The following ZNF737 variants were observed in gnomAD, a reference collection of about 807,000 sequenced individuals.
The protein encoded by ZNF737 is zinc finger protein 737.
In ZNF737, 13 loss-of-function variants were observed where a neutral mutation model predicts 11.7. The observed-to-expected ratio is 1.11, with a 90% CI of 0.73 to 1.77. The LOEUF (loss-of-function observed/expected upper bound fraction) is 1.77. ZNF737 is among the 40% of genes most tolerant of loss of function. ZNF737 has a pLI of 0.00. For missense variants in ZNF737, 636 were observed against 638.0 expected (o/e 1.00, Z 0.03); for synonymous variants, 217 against 216.2 (o/e 1.00, Z -0.03).
Position 20,545,894 on chromosome 19 carries a change from A to C in ZNF737, c.309T>G (p.Tyr103Ter). The change falls in exon 4 of 4, where the codon TAT becomes TAG. Residue 103 changes from tyrosine (Y) to a stop codon, truncating the protein, a stop_gained. Coordinates refer to ENST00000427401, the MANE Select transcript of ZNF737 (RefSeq NM_001159293.2). LOFTEE classifies it low-confidence loss of function (END_TRUNC). The stretch of plus-strand genomic sequence containing the variant: ...GTAAATTGTCATGTCCATAGTTTTC[A>C]TATCTTCTCAGTGTCACTTTTTGGA... ...DSFQKVTLRR[Y>*]ENYGHDNLQF... 3.1e-6 allele frequency: 5 copies of C among 1,609,744 alleles called. No individual in the cohort carries two copies. The South Asian group carries it at 4.5e-5, about 14-fold the overall frequency.
At chr19:20,535,660 G>C (rs566070216), downstream of ZNF737, among the ~76,000 whole-genome samples, 2 of 151,526 alleles carry the variant, frequency 1.3e-5, no homozygotes, top group African/African-American at 4.8e-5. Context: ...TCAGGACCTG[G>C]GATTACAGGC....
intron 2 of ZNF737, among the ~76,000 whole-genome samples, chr19:20,552,797 A>G (rs13346405): frequency 0.014 from 2,107 of 152,206 alleles, 59 homozygotes; most frequent in African/African-American, 0.049. Flanking sequence ...GTGAATCACG[A>G]GGTCATGAGT....
downstream of ZNF737, among the ~76,000 whole-genome samples, chr19:20,535,489 A>C (rs1274452225): frequency 2.6e-5 from 4 of 151,896 alleles, no homozygotes; most frequent in Admixed American, 6.6e-5. Flanking sequence ...ATATTATGTT[A>C]AGTAAAATAA....
At chr19:20,558,427 G>C (rs35836091) in intron 1 of ZNF737, among the ~76,000 whole-genome samples, 136 of 152,186 alleles carry the variant, frequency 8.9e-4, no homozygotes, top group Non-Finnish European at 1.8e-3. Flanking sequence ...CCAACCATAT[G>C]ATGCACAATT....
At chr19:20,530,285 G>A in the ZNF737 span, among the ~76,000 whole-genome samples, 3 of 135,718 alleles carry the variant, frequency 2.2e-5, no homozygotes, top group African/African-American at 8.3e-5. Context: ...CCTCCCTCCC[G>A]GATGGGGCAG....
intron 1 of ZNF737, among the ~76,000 whole-genome samples, chr19:20,560,170 C>T (rs1365116779): frequency 1.9e-5 from 1 of 53,378 alleles, no homozygotes; most frequent in Non-Finnish European, 3.7e-5. Context: ...GAGACTCCGT[C>T]TCAAAAAAAA....
At position 20,544,422 on chromosome 19, in the gene ZNF737, A is replaced by T; in HGVS notation, c.*170T>A. ...CTTAAAGGCTTTGCTGCATTTTCTT[A>T]TTTGTTGGGTTTCTTTCCCGCATGA... On this transcript the variant is annotated 3_prime_UTR_variant, in exon 4 of 4. Coordinates refer to ENST00000427401, the MANE Select transcript of ZNF737 (RefSeq NM_001159293.2). 6.9e-7 allele frequency: 1 copy of T among 1,446,752 alleles called. No homozygotes were observed. The highest frequency in any genetic ancestry group is 9.0e-7 in the Non-Finnish European group (1 of 1,106,540). The allele number at this position is 1,446,752 out of a possible 1,614,324, so 89.6% of individuals were successfully genotyped here.
At position 20,545,143 on chromosome 19, in the gene ZNF737, AG is replaced by A. The variant is rs1555756485; in HGVS notation, c.1059del (p.Ser354HisfsTer8). 1 of 1,611,316 alleles carries A rather than the reference AG, an allele frequency of 6.2e-7. No individual in the cohort carries two copies. Among genetic ancestry groups the A allele is most frequent in the African/African-American group, 1.3e-5 (1 of 74,776 alleles). ...CEECGRAFKY[F>X]SSLTTHKIIH... ...ATTATCTTGTGTGTAGTAAGGGATGAGAAGTACTTAAAGGCTCTGCCACATT... is the reference window on the plus strand; with the variant it reads ...ATTATCTTGTGTGTAGTAAGGGATGAAAGTACTTAAAGGCTCTGCCACATT... On this transcript the variant is annotated frameshift_variant, in exon 4 of 4. Transcript: ENST00000427401. LOFTEE classifies it low-confidence loss of function (END_TRUNC).
At position 20,539,331 on chromosome 19, in the gene ZNF737, C is replaced by T; in HGVS notation, c.*5261G>A. 5 of 985,108 alleles carry T rather than the reference C, an allele frequency of 5.1e-6. No homozygotes were observed. Among genetic ancestry groups the T allele is most frequent in the Non-Finnish European group, 6.0e-6 (5 of 829,806 alleles). 61.0% of individuals were successfully genotyped at this position (985,108 alleles called of 1,614,324 possible). On this transcript the variant is annotated 3_prime_UTR_variant, in exon 4 of 4. Coordinates refer to ENST00000427401, the MANE Select transcript of ZNF737 (RefSeq NM_001159293.2). ...ATTCTTTCTTCAATTACTTGGAAAC[C>T]CTGGGAAGCCCCTATAAAATACTCC...
Position 20,550,184 on chromosome 19 carries a change from A to C in ZNF737, c.226+2291T>G, listed in dbSNP as rs1454215036. Among the ~76,000 whole-genome samples the C allele has an allele frequency of 2.6e-5, 4 of 152,326 alleles. No homozygotes were observed. In the East Asian group the frequency reaches 7.7e-4, roughly 29 times the overall value. ...CTGCTGTAATCAAACATTGGAAGCA[A>C]AGAGTACCCTTACATTGTTAAATAA... On this transcript the variant is annotated intron_variant, in intron 3 of 3. Transcript: ENST00000427401.
At position 20,564,875 on chromosome 19, in the gene ZNF737, G is replaced by A. The variant is rs1265855767; in HGVS notation, c.3+763C>T. Among the ~76,000 whole-genome samples, 7 of 150,380 alleles carry A rather than the reference G, an allele frequency of 4.7e-5. 1 individual carries two copies. The highest frequency in any genetic ancestry group is 1.2e-4 in the African/African-American group (5 of 41,026). ...TTTTTGGGAAATTACTACATTAGGG[G>A]AAACAAAATTCAGGCTTAAGCAACT... On this transcript the variant is annotated intron_variant, in intron 1 of 3. Coordinates refer to ENST00000427401, the MANE Select transcript of ZNF737 (RefSeq NM_001159293.2).
Position 20,543,677 on chromosome 19 carries a change from T to A in ZNF737, c.*915A>T. The A allele has an allele frequency of 1.0e-6, 1 of 985,474 alleles. No homozygotes were observed. Among genetic ancestry groups the A allele is most frequent in the Non-Finnish European group, 1.2e-6 (1 of 829,920 alleles). The allele number at this position is 985,474 out of a possible 1,614,324, so 61.0% of individuals were successfully genotyped here. A position where few individuals can be genotyped will look rare whatever the true frequency, so the allele number is the denominator to read the frequency against. ...CCTACAATCAAGAGTGGCAACCATA[T>A]AAAGGCTTTGTCACATTTTATATAT... On this transcript the variant is annotated 3_prime_UTR_variant, in exon 4 of 4. Transcript: ENST00000427401.
At chr19:20,552,905 A>G (rs2562635) in intron 2 of ZNF737, among the ~76,000 whole-genome samples, 12,161 of 151,196 alleles carry the variant, frequency 0.08, 596 homozygotes, top group East Asian at 0.14. Context: ...CCAGATACTC[A>G]TGAGGCTGAG....
chr19:20,535,896 A>C (rs1555753746), downstream of ZNF737: 1 of 177,154 alleles, frequency 5.6e-6, no homozygotes, highest in African/African-American at 2.4e-5. Context: ...CAGATGGTAC[A>C]ATAATAAAAC....
chr19:20,537,791 A>C (rs562480761), downstream of ZNF737, among the ~76,000 whole-genome samples: 15 of 152,256 alleles, frequency 9.9e-5, no homozygotes, highest in South Asian at 3.1e-3. Context: ...CTGGGATTAC[A>C]GGCATGAGCC....
downstream of ZNF737, among the ~76,000 whole-genome samples, chr19:20,532,011 T>C (rs549629040): frequency 6.6e-6 from 1 of 150,442 alleles, no homozygotes; most frequent in Admixed American, 6.6e-5. Flanking sequence ...AACATAGTTA[T>C]ACAATTTTGT....
intron 3 of ZNF737, among the ~76,000 whole-genome samples, chr19:20,552,026 C>A (rs1599421086): frequency 1.4e-5 from 2 of 146,894 alleles, no homozygotes; most frequent in Non-Finnish European, 1.5e-5. Flanking sequence ...TATTTCAAGA[C>A]TATAATAGTA....
rs1243693840 is a variant in ZNF737 at position 20,542,051 on chromosome 19, T to A, written c.*2541A>T. 22 of 985,202 alleles carry A rather than the reference T, an allele frequency of 2.2e-5. No individual in the cohort carries two copies. Among genetic ancestry groups the A allele is most frequent in the Non-Finnish European group, 2.7e-5 (22 of 829,754 alleles). The allele number at this position is 985,202 out of a possible 1,614,324, so 61.0% of individuals were successfully genotyped here. Reference sequence around the variant, plus strand: ...TAACTCATTTGCAGTTTAAAGCCACTGACAGTGATTACTAAAGATGTTATT... The same window carrying A: ...TAACTCATTTGCAGTTTAAAGCCACAGACAGTGATTACTAAAGATGTTATT... On this transcript the variant is annotated 3_prime_UTR_variant, in exon 4 of 4. Transcript: ENST00000427401.
chr19:20,559,067 A>G (rs1385165005), intron 1 of ZNF737, among the ~76,000 whole-genome samples: 3 of 152,248 alleles, frequency 2.0e-5, no homozygotes, highest in Non-Finnish European at 4.4e-5. Flanking sequence ...GCTTAAAATT[A>G]TAAGAAACAC....
Sources: allele counts gnomAD v4.1 joint callset (sites outside exome capture counted in the v4.1 genomes callset), GRCh38; gene constraint gnomAD v4.1.1; transcripts MANE v1.5; gene names NCBI Gene and HGNC (gene_info 2026-07-23, HGNC 2026-07-21).